Variants in DNAH2 observed in about 807,000 individuals in gnomAD.
DNAH2 encodes axonemal beta dynein heavy chain 2.
Under a neutral mutation model 523.5 loss-of-function variants are expected in DNAH2, and 323 were observed. That is an observed-to-expected ratio of 0.62 (90% CI 0.56 to 0.68). The LOEUF (loss-of-function observed/expected upper bound fraction) is 0.68, where lower values mean the gene tolerates loss of function less well. Ranked by LOEUF, DNAH2 falls within the 30% of genes least tolerant of loss-of-function variation. The pLI is 0.00. For missense variants in DNAH2, 4,907 were observed against 5,701.5 expected (o/e 0.86, Z 4.49); for synonymous variants, 2,093 against 2,177.4 (o/e 0.96, Z 1.08).
At chr17:7,753,426 G>T (rs1409153610) in intron 12 of DNAH2, among the ~76,000 whole-genome samples, 2 of 152,280 alleles carry the variant, frequency 1.3e-5, no homozygotes, top group East Asian at 1.9e-4. Context: ...GATGACCAAG[G>T]GGGAGTGGGC....
Position 7,818,445 on chromosome 17 carries a change from T to C in DNAH2, c.10521T>C (p.Phe3507=), listed in dbSNP as rs772306240. The C allele has an allele frequency of 7.4e-6, 12 of 1,614,008 alleles. No individual in the cohort carries two copies. In the African/African-American group the frequency reaches 1.2e-4, roughly 16 times the overall value. Residue 3507 remains phenylalanine (F), a synonymous_variant, in exon 69 of 86, where the codon TTT becomes TTC. Transcript: ENST00000572933. ...ETSAKTTIVN[F]AVKEQGLEAQ... Reference sequence around the variant, plus strand: ...CAGCCAAGACCACCATCGTCAACTTTGCTGTTAAAGAACAGGTGGGTACAG... The same window carrying C: ...CAGCCAAGACCACCATCGTCAACTTCGCTGTTAAAGAACAGGTGGGTACAG...
At chr17:7,808,259 T>A (rs2077421245) in intron 63 of DNAH2, among the ~76,000 whole-genome samples, 1 of 151,638 alleles carries the variant, frequency 6.6e-6, no homozygotes, top group South Asian at 2.1e-4. Context: ...TAATCCCAGC[T>A]ACTCAGGAGG....
Position 7,807,286 on chromosome 17 carries a change from C to G in DNAH2, c.9579C>G (p.Ala3193=). The G allele has an allele frequency of 6.2e-7, 1 of 1,613,796 alleles. No individual in the cohort carries two copies. Among genetic ancestry groups the G allele is most frequent in the Non-Finnish European group, 8.5e-7 (1 of 1,180,016 alleles). The change falls in exon 62 of 86, where the codon GCC becomes GCG. Residue 3193 remains alanine, a synonymous_variant. Coordinates refer to ENST00000572933, the MANE Select transcript of DNAH2 (RefSeq NM_020877.5). This position sits in a 1 kb window ranked among gnomAD's most constrained non-coding sequence, Gnocchi z 5.6. The part of the protein sequence containing the change: ...PDIIGRVSLA[A]KSLCMWVRAM... Reference sequence around the variant, plus strand: ...TCATCGGCCGCGTCTCCCTGGCTGCCAAGTCCCTCTGCATGTGGGTGCGGG... The same window carrying G: ...TCATCGGCCGCGTCTCCCTGGCTGCGAAGTCCCTCTGCATGTGGGTGCGGG...
chr17:7,792,620 G>T, intron 46 of DNAH2, 37 bp from the exon 47 acceptor site: 2 of 1,556,048 alleles, frequency 1.3e-6, no homozygotes, highest in Non-Finnish European at 1.8e-6. Context: ...AGGAGTGGGC[G>T]GCTGGTCCTT....
chr17:7,743,115 C>A lies in DNAH2; in HGVS notation c.1877C>A (p.Ala626Glu). Residue 626 changes from alanine to glutamate, a missense_variant, in exon 12 of 86, where the codon GCG becomes GAG. By Grantham distance (107) the Ala-to-Glu change is moderately radical. Around this residue, in one of 3 missense-constraint regions of DNAH2, gnomAD observed 2,806 missense variants for 3,190.8 expected, o/e 0.88. Transcript: ENST00000572933. Reference protein sequence around the residue: ...TPLLRISQEKAGMLDVNFDKS... With the variant: ...TPLLRISQEKEGMLDVNFDKS... The stretch of plus-strand genomic sequence containing the variant: ...TTGCTGCGAATCAGCCAGGAGAAGG[C>A]GGGCATGCTGGATGTCAACTTTGAC... 7 of 1,577,398 alleles carry A rather than the reference C, an allele frequency of 4.4e-6. No homozygotes were observed. The highest frequency in any genetic ancestry group is 1.4e-5 in the African/African-American group (1 of 73,158).
At chr17:7,816,874 C>A in intron 64 of DNAH2, 139 bp downstream of exon 64, 1 of 1,082,088 alleles carries the variant, frequency 9.2e-7, no homozygotes, top group Non-Finnish European at 1.3e-6. Context: ...GGCGTGGGAG[C>A]TCTTCCCCTC....
chr17:7,787,579 T>C, intron 42 of DNAH2: 1 of 317,482 alleles, frequency 3.1e-6, no homozygotes, highest in Non-Finnish European at 5.9e-6. Context: ...TACTAAAAAA[T>C]ACAAAAGTTA....
chr17:7,763,808 G>C, intron 18 of DNAH2, 23 bp from the exon 19 acceptor site: 1 of 1,613,480 alleles, frequency 6.2e-7, no homozygotes, highest in Non-Finnish European at 8.5e-7. Context: ...CAACATCCTA[G>C]CTGGGATCTG....
Position 7,831,660 on chromosome 17 carries a change from G to T in DNAH2, c.12612-1G>T, listed in dbSNP as rs2078178988. 6.2e-7 allele frequency: 1 copy of T among 1,614,064 alleles called. No individual in the cohort carries two copies. The highest frequency in any genetic ancestry group is 8.5e-7 in the Non-Finnish European group (1 of 1,179,962). On this transcript the variant is annotated splice_acceptor_variant, in intron 81 of 85. Coordinates refer to ENST00000572933, the MANE Select transcript of DNAH2 (RefSeq NM_020877.5). LOFTEE classifies it high-confidence loss of function. This position sits in a 1 kb window ranked among gnomAD's most constrained non-coding sequence, Gnocchi z 4.2. ...CTAACACTCCACCTCATCCTGCTCA[G>T]GTTCTCACTGACAGACCTAGAGAAA... is the stretch of plus-strand genomic sequence containing the variant.
At chr17:7,830,026 C>CAAA (rs546222498) in intron 77 of DNAH2, among the ~76,000 whole-genome samples, 22 of 55,138 alleles carry the variant, frequency 4.0e-4, no homozygotes, top group African/African-American at 6.2e-4. Context: ...AACTCCGTCT[C>CAAA]AAAAAAAAAA....
At chr17:7,771,247 G>C in intron 27 of DNAH2, 83 bp from the exon 28 acceptor site, 1 of 1,577,294 alleles carries the variant, frequency 6.3e-7, no homozygotes, top group South Asian at 1.2e-5. Flanking sequence ...CTACCCAACT[G>C]TCACCCACAA....
At chr17:7,751,978 T>C (rs1190888326) in intron 12 of DNAH2, among the ~76,000 whole-genome samples, 1 of 145,984 alleles carries the variant, frequency 6.9e-6, no homozygotes, top group Non-Finnish European at 1.5e-5. Flanking sequence ...TGTTCTGTCA[T>C]GCAGGCTGGA....
chr17:7,781,256 T>C, intron 39 of DNAH2, 89 bp downstream of exon 39: 1 of 1,471,034 alleles, frequency 6.8e-7, no homozygotes, highest in Non-Finnish European at 9.4e-7. Context: ...GGGCAGACTG[T>C]TTGAGTCCAG....
intron 2 of DNAH2, among the ~76,000 whole-genome samples, chr17:7,721,540 C>T (rs753789285): frequency 1.4e-5 from 1 of 71,512 alleles, no homozygotes; most frequent in Admixed American, 1.4e-4. Flanking sequence ...TGGATCATCT[C>T]ACCTACTCAC....
chr17:7,727,269 C>T lies in DNAH2; in HGVS notation c.376C>T (p.Leu126=). 6.2e-7 allele frequency: 1 copy of T among 1,612,118 alleles called. No homozygotes were observed. Among genetic ancestry groups the T allele is most frequent in the Non-Finnish European group, 8.5e-7 (1 of 1,179,164 alleles). The change falls in exon 4 of 86, where the codon CTA becomes TTA. Residue 126 remains leucine, a synonymous_variant. Transcript: ENST00000572933. ...IFIDPCFGLK[L]ELGMPVQTQN... ...CATTGACCCTTGTTTTGGGCTGAAG[C>T]TAGAGCTGGGCATGCCTGTACAGGT...
intron 13 of DNAH2, 72 bp downstream of exon 13, chr17:7,757,309 T>G: frequency 1.3e-6 from 2 of 1,524,744 alleles, no homozygotes; most frequent in Non-Finnish European, 1.8e-6. Context: ...ATCTGCCCTG[T>G]AATGTTGTTC....
At chr17:7,805,122 G>T (rs762553935) in intron 60 of DNAH2, 48 bp downstream of exon 60, 23 of 1,602,072 alleles carry the variant, frequency 1.4e-5, no homozygotes, top group Non-Finnish European at 1.9e-5. Context: ...CGAGGCCCCG[G>T]GGAAGGGAAT....
intron 63 of DNAH2, among the ~76,000 whole-genome samples, chr17:7,809,465 C>T (rs1034736013): frequency 5.9e-5 from 9 of 152,168 alleles, no homozygotes; most frequent in Non-Finnish European, 8.8e-5. Flanking sequence ...TGCTCCTCCA[C>T]GGCTCCGTCC....
In DNAH2 at chr17:7,798,643, C is replaced by T. The variant is rs372878734; in HGVS notation, c.8484C>T (p.Ser2828=). 132 of 1,614,114 alleles carry T rather than the reference C, an allele frequency of 8.2e-5. No homozygotes were observed. The African/African-American group carries it at 1.7e-3, about 21-fold the overall frequency. Residue 2828 remains serine, a synonymous_variant, in exon 55 of 86, where the codon TCC becomes TCT. Transcript: ENST00000572933. This position sits in a 1 kb window ranked among gnomAD's most constrained non-coding sequence, Gnocchi z 5.5. ...TGGACACCCAAATAGCTGATGAGTC[C>T]TTCCTAGAGGACATCAACAACATCC... ...IFVDTQIADE[S]FLEDINNILS...
Sources: allele counts gnomAD v4.1 joint callset (sites outside exome capture counted in the v4.1 genomes callset), GRCh38; gene constraint gnomAD v4.1.1; regional missense constraint gnomAD v4.1.1; non-coding constraint Gnocchi (gnomAD v3.1); transcripts MANE v1.5; gene names NCBI Gene and HGNC (gene_info 2026-07-23, HGNC 2026-07-21).